Variants in C5 observed in about 807,000 individuals in gnomAD.
C5 encodes complement C5.
In C5, 140 loss-of-function variants were observed where a neutral mutation model predicts 218.8. The ratio of observed to expected loss-of-function variants is 0.64; its 90% confidence interval spans 0.56 to 0.74. C5 has a LOEUF of 0.74. Ranked by LOEUF, C5 falls within the 30% of genes least tolerant of loss-of-function variation. The probability of loss-of-function intolerance (pLI) is 0.00; values close to 1 mark genes in which losing one functional copy is unlikely to be tolerated. For synonymous variants in C5, 614 were observed against 682.3 expected (o/e 0.90, Z 1.56); for missense variants, 1,700 against 1,969.6 (o/e 0.86, Z 2.59).
intron 3 of C5, among the ~76,000 whole-genome samples, chr9:121,039,744 G>A (rs914567430): frequency 1.3e-5 from 2 of 152,148 alleles, no homozygotes; most frequent in Admixed American, 6.5e-5. Context: ...CACCTCCTGG[G>A]TTCATGCCAT....
At chr9:121,033,780 ATGT>A (rs2047498780) in intron 5 of C5, among the ~76,000 whole-genome samples, 2 of 152,214 alleles carry the variant, frequency 1.3e-5, no homozygotes, top group Non-Finnish European at 2.9e-5. Context: ...CCATAAAAAG[ATGT>A]TGTTCTAAAA....
At chr9:121,007,183 A>T (rs2047223095) in intron 18 of C5, among the ~76,000 whole-genome samples, 1 of 152,244 alleles carries the variant, frequency 6.6e-6, no homozygotes, top group Admixed American at 6.5e-5. Context: ...TAGACATTGC[A>T]CCTCTATGAT....
At chr9:121,070,501 A>T in the C5 span, among the ~76,000 whole-genome samples, 1 of 148,916 alleles carries the variant, frequency 6.7e-6, no homozygotes, top group Non-Finnish European at 1.5e-5. Flanking sequence ...GTGCGTATTC[A>T]TATATATATA....
In C5 at chr9:121,017,723, C is replaced by T. The variant is rs773921975; in HGVS notation, c.1636G>A (p.Val546Ile). The T allele has an allele frequency of 5.6e-6, 9 of 1,613,168 alleles. 1 individual carries two copies. The highest frequency in any genetic ancestry group is 3.3e-5 in the Admixed American group (2 of 59,998). Residue 546 changes from valine to isoleucine, a missense_variant, in exon 13 of 41, where the codon GTC becomes ATC. By Grantham distance (29) the Val-to-Ile change is conservative. Coordinates refer to ENST00000223642, the MANE Select transcript of C5 (RefSeq NM_001735.3). ...PSSRLLVYYI[V>I]TGEQTAELVS... ...AATTCTGCTGTCTGTTCTCCTGTGA[C>T]GATGTAATAGACCAGAAGTCGGGAT...
At chr9:120,982,558 A>AT (rs1246886813) in intron 26 of C5, 97 bp downstream of exon 26, 3 of 1,030,912 alleles carry the variant, frequency 2.9e-6, no homozygotes, top group African/African-American at 3.2e-5. Context: ...GCAGAATTAC[A>AT]TTTTTTTCTT....
At chr9:121,036,359 G>A (rs528631597) in intron 4 of C5, among the ~76,000 whole-genome samples, 3 of 151,980 alleles carry the variant, frequency 2.0e-5, no homozygotes, top group African/African-American at 7.3e-5. Context: ...TTTTCTTCCT[G>A]GGGCAGCTCT....
At chr9:120,957,998 TTCTTTCTA>T (rs1164252122) in intron 38 of C5, among the ~76,000 whole-genome samples, 2 of 152,206 alleles carry the variant, frequency 1.3e-5, no homozygotes, top group Non-Finnish European at 2.9e-5. Flanking sequence ...AAGGGACCCA[TTCTTTCTA>T]TGTGGCCTCA....
chr9:120,975,070 G>A (rs2046943356), intron 29 of C5, 139 bp from the exon 30 acceptor site: 1 of 898,618 alleles, frequency 1.1e-6, no homozygotes. Context: ...CTGGTTAAGA[G>A]CCCCATTGTG....
intron 3 of C5, among the ~76,000 whole-genome samples, chr9:121,041,435 G>T (rs923878610): frequency 6.7e-6 from 1 of 149,994 alleles, no homozygotes; most frequent in Non-Finnish European, 1.5e-5. Flanking sequence ...CTCCAGAGTA[G>T]CTGGGATTAC....
At chr9:121,019,866 A>T in intron 12 of C5, 110 bp downstream of exon 12, 1 of 724,690 alleles carries the variant, frequency 1.4e-6, no homozygotes. Context: ...GATGCTCTTG[A>T]AAGTGCTTTG....
At chr9:120,999,357 C>A (rs1192107322) in intron 20 of C5, among the ~76,000 whole-genome samples, 1 of 152,126 alleles carries the variant, frequency 6.6e-6, no homozygotes, top group Admixed American at 6.6e-5. Flanking sequence ...ATAGCTTTAC[C>A]CTGAGGGCAG....
At chr9:120,971,448 T>G (rs921877768) in intron 31 of C5, among the ~76,000 whole-genome samples, 5 of 152,194 alleles carry the variant, frequency 3.3e-5, no homozygotes, top group South Asian at 4.1e-4. Flanking sequence ...TTAAATTTTT[T>G]TGTGTGTGTG....
At chr9:120,974,264 G>C (rs1242166439) in intron 30 of C5, among the ~76,000 whole-genome samples, 1 of 152,116 alleles carries the variant, frequency 6.6e-6, no homozygotes, top group Non-Finnish European at 1.5e-5. Context: ...AGGAGCTGGG[G>C]ACCCTAAAGG....
At chr9:121,003,938 G>C (rs2047193563) in intron 20 of C5, among the ~76,000 whole-genome samples, 1 of 151,968 alleles carries the variant, frequency 6.6e-6, no homozygotes, top group Non-Finnish European at 1.5e-5. Context: ...GCGCAATCTC[G>C]GCTCACTGCA....
At chr9:121,048,877 C>A (rs1198391427) in intron 1 of C5, among the ~76,000 whole-genome samples, 1 of 152,150 alleles carries the variant, frequency 6.6e-6, no homozygotes, top group East Asian at 1.9e-4. Context: ...AGTGCAGCCT[C>A]CTTAAGAGAA....
chr9:121,015,863 G>A (rs2047302716), intron 15 of C5, among the ~76,000 whole-genome samples: 1 of 152,186 alleles, frequency 6.6e-6, no homozygotes, highest in African/African-American at 2.4e-5. Flanking sequence ...ATGTGGGGAA[G>A]AGGTCTCGTA....
Position 120,976,916 on chromosome 9 carries a change from A to G in C5, c.3659-11T>C. ...AAATGGGTGGATTACCTGAACATCA[A>G]CAAATTCCATTCATTAATATGATTA... On this transcript the variant is annotated splice_polypyrimidine_tract_variant and intron_variant, in intron 28 of 40. Coordinates refer to ENST00000223642, the MANE Select transcript of C5 (RefSeq NM_001735.3). The G allele has an allele frequency of 6.2e-7, 1 of 1,603,592 alleles. No individual in the cohort carries two copies. Among genetic ancestry groups the G allele is most frequent in the East Asian group, 2.2e-5 (1 of 44,824 alleles).
At chr9:121,073,670 C>G in the C5 span, among the ~76,000 whole-genome samples, 1 of 151,948 alleles carries the variant, frequency 6.6e-6, no homozygotes, top group Non-Finnish European at 1.5e-5. Context: ...TGCGCCACCA[C>G]GCCCGGGTAA....
At chr9:121,033,368 A>G (rs1423535080) in intron 5 of C5, among the ~76,000 whole-genome samples, 1 of 152,244 alleles carries the variant, frequency 6.6e-6, no homozygotes, top group African/African-American at 2.4e-5. Flanking sequence ...AGTAAAACAA[A>G]GCAAGAGATT....
Sources: allele counts gnomAD v4.1 joint callset (sites outside exome capture counted in the v4.1 genomes callset), GRCh38; gene constraint gnomAD v4.1.1; transcripts MANE v1.5; gene names NCBI Gene and HGNC (gene_info 2026-07-23, HGNC 2026-07-21).